Variants in ALK observed in about 807,000 individuals in gnomAD.
ALK encodes ALK receptor tyrosine kinase.
A neutral mutation model predicts 163.1 loss-of-function variants in ALK; 74 were observed. The ratio of observed to expected loss-of-function variants is 0.45; its 90% CI spans 0.38 to 0.55. The LOEUF (loss-of-function observed/expected upper bound fraction) is 0.55, where lower values mean the gene tolerates loss of function less well. ALK is among the 20% of genes least tolerant of loss of function. ALK has a pLI of 0.00. For missense variants in ALK, 2,063 were observed against 2,105.3 expected (o/e 0.98, Z 0.39); for synonymous variants, 960 against 843.2 (o/e 1.14, Z -2.40).
intron 1 of ALK, among the ~76,000 whole-genome samples, chr2:29,745,703 A>G (rs905488933): frequency 6.6e-6 from 1 of 152,212 alleles, no homozygotes; most frequent in Middle Eastern, 3.2e-3. Context: ...AGCATGTCCC[A>G]TCACTGCCCA....
At chr2:29,550,334 G>A (rs1006705171) in intron 3 of ALK, among the ~76,000 whole-genome samples, 32 of 151,806 alleles carry the variant, frequency 2.1e-4, no homozygotes, top group African/African-American at 7.7e-4. Flanking sequence ...CAGAGCCCAG[G>A]AGCTCCATGA....
In ALK at chr2:29,386,395, T is replaced by G. The variant is rs757717803; in HGVS notation, c.1155-2536A>C. Among the ~76,000 whole-genome samples, 71 of 152,322 alleles carry G rather than the reference T, an allele frequency of 4.7e-4. 1 individual carries two copies. The highest frequency in any genetic ancestry group is 8.2e-4 in the Non-Finnish European group (56 of 68,038). ...AGGGCTTTCGGTTTAAATGAGGGAC[T>G]GTCAAAGATAGCAATATTTGAGAAG... On this transcript the variant is annotated intron_variant, in intron 4 of 28. Transcript: ENST00000389048.
chr2:29,221,559 A>T (rs1669805530), intron 22 of ALK, among the ~76,000 whole-genome samples: 1 of 152,230 alleles, frequency 6.6e-6, no homozygotes, highest in Admixed American at 6.5e-5. Flanking sequence ...ATATAATCTC[A>T]TACTTGCCAA....
rs17007894 is a variant in ALK, at chr2:29,321,318, T to A, written c.1415-436A>T. 6.3e-3 allele frequency among the ~76,000 whole-genome samples: 955 copies of A among 152,308 alleles called. 12 individuals carry two copies. The highest frequency in any genetic ancestry group is 0.022 in the African/African-American group (916 of 41,574). Reference sequence around the variant, plus strand: ...ACCCCAGGAGAAGCCACTGTATAGCTCACTACATTTCTAATGGTTGATACA... The same window carrying A: ...ACCCCAGGAGAAGCCACTGTATAGCACACTACATTTCTAATGGTTGATACA... On this transcript the variant is annotated intron_variant, in intron 6 of 28. Transcript: ENST00000389048.
intron 4 of ALK, among the ~76,000 whole-genome samples, chr2:29,425,646 A>AT (rs1670118467): frequency 3.3e-5 from 5 of 152,176 alleles, no homozygotes; most frequent in African/African-American, 1.2e-4. Flanking sequence ...TGTCACTCTA[A>AT]GAAAAGTGGG....
chr2:29,571,866 G>A (rs954126607), intron 3 of ALK, among the ~76,000 whole-genome samples: 16 of 151,888 alleles, frequency 1.1e-4, no homozygotes, highest in African/African-American at 1.9e-4. Flanking sequence ...CACCTGCCTC[G>A]GCCTCCCAAA....
At chr2:29,331,032 G>T (rs1427357198) in intron 5 of ALK, among the ~76,000 whole-genome samples, 1 of 152,158 alleles carries the variant, frequency 6.6e-6, no homozygotes, top group African/African-American at 2.4e-5. Flanking sequence ...ATCGAAACCT[G>T]ACTCCCGCTG....
intron 1 of ALK, among the ~76,000 whole-genome samples, chr2:29,791,909 T>C (rs1285399621): frequency 6.6e-6 from 1 of 152,200 alleles, no homozygotes; most frequent in African/African-American, 2.4e-5. Context: ...GTGATTCAGA[T>C]GCACTAAGTT....
chr2:29,478,308 T>C (rs572922840), intron 4 of ALK, among the ~76,000 whole-genome samples: 1 of 152,366 alleles, frequency 6.6e-6, no homozygotes, highest in South Asian at 2.1e-4. Flanking sequence ...TGTTTTACCA[T>C]ACACAGGACT....
chr2:29,552,930 C>T (rs1205334355), intron 3 of ALK, among the ~76,000 whole-genome samples: 1 of 152,120 alleles, frequency 6.6e-6, no homozygotes, highest in Non-Finnish European at 1.5e-5. Context: ...TCTCAATGCC[C>T]CCACAGTTCT....
At chr2:29,410,312 A>C (rs528579102) in intron 4 of ALK, among the ~76,000 whole-genome samples, 2 of 152,194 alleles carry the variant, frequency 1.3e-5, no homozygotes, top group African/African-American at 4.8e-5. Flanking sequence ...CAGAAACTCA[A>C]AAGAATATAA....
intron 1 of ALK, among the ~76,000 whole-genome samples, chr2:29,832,426 T>G (rs1487735177): frequency 6.6e-6 from 1 of 152,172 alleles, no homozygotes. Context: ...GGCAAACCGA[T>G]GCACAACAAC....
Position 29,193,857 on chromosome 2 carries a change from T to C in ALK, c.4230A>G (p.Lys1410=), listed in dbSNP as rs982208354. 1.9e-6 allele frequency: 3 copies of C among 1,613,630 alleles called. No homozygotes were observed. The African/African-American group carries it at 4.0e-5, about 22-fold the overall frequency. Reference sequence around the variant, plus strand: ...CAGGGTCCTTGGGCCTCACAGGCACTTTCTCTTCCTCTTCCACAAGTGGAC... The same window carrying C: ...CAGGGTCCTTGGGCCTCACAGGCACCTTCTCTTCCTCTTCCACAAGTGGAC... The part of the protein sequence containing the change: ...EYGPLVEEEE[K]VPVRPKDPEG... The change falls in exon 29 of 29, where the codon AAA becomes AAG. Residue 1410 remains lysine, a synonymous_variant. Transcript: ENST00000389048.
chr2:29,463,067 T>C (rs921818606), intron 4 of ALK, among the ~76,000 whole-genome samples: 4 of 152,126 alleles, frequency 2.6e-5, no homozygotes, highest in African/African-American at 9.7e-5. Context: ...TTATAACATA[T>C]AATCGTAAAA....
chr2:29,813,079 C>G (rs1208128821), intron 1 of ALK, among the ~76,000 whole-genome samples: 1 of 152,154 alleles, frequency 6.6e-6, no homozygotes, highest in Non-Finnish European at 1.5e-5. Flanking sequence ...CATGGGATTT[C>G]AGACTGGAAG....
At chr2:29,594,110 A>G (rs1675136319) in intron 3 of ALK, among the ~76,000 whole-genome samples, 1 of 152,198 alleles carries the variant, frequency 6.6e-6, no homozygotes, top group Non-Finnish European at 1.5e-5. Context: ...AGACCCCCCA[A>G]AACAAAGAAT....
chr2:29,257,454 T>C (rs1183581326), intron 11 of ALK, among the ~76,000 whole-genome samples: 1 of 151,978 alleles, frequency 6.6e-6, no homozygotes, highest in African/African-American at 2.4e-5. Context: ...AATCAATTAG[T>C]AATAAACAGT....
At chr2:29,550,578 G>C (rs1418826522) in intron 3 of ALK, among the ~76,000 whole-genome samples, 1 of 152,142 alleles carries the variant, frequency 6.6e-6, no homozygotes, top group Non-Finnish European at 1.5e-5. Context: ...CTTTGTATCT[G>C]AAAATTTTCA....
At chr2:29,444,502 G>A (rs1488506633) in intron 4 of ALK, among the ~76,000 whole-genome samples, 3 of 152,150 alleles carry the variant, frequency 2.0e-5, no homozygotes, top group Admixed American at 1.3e-4. Flanking sequence ...GACAACAGAG[G>A]ACTGGGCAAG....
Sources: allele counts gnomAD v4.1 joint callset (sites outside exome capture counted in the v4.1 genomes callset), GRCh38; gene constraint gnomAD v4.1.1; transcripts MANE v1.5; gene names NCBI Gene and HGNC (gene_info 2026-07-23, HGNC 2026-07-21).